GON4L: variants seen among roughly 807,000 people sequenced by gnomAD.
GON4L encodes gon-4 like, also known as GON-4-like protein.
A neutral mutation model predicts 211.8 loss-of-function variants in GON4L; 87 were observed. The observed-to-expected ratio is 0.41, with a 90% CI of 0.35 to 0.49. The LOEUF is 0.49. GON4L is among the 20% of genes least tolerant of loss of function. The pLI, the probability that GON4L is intolerant of heterozygous loss-of-function variation, is 0.15. For synonymous variants in GON4L, 875 were observed against 962.6 expected (o/e 0.91, Z 1.68); for missense variants, 2,155 against 2,659.5 (o/e 0.81, Z 4.17).
chr1:155,769,959 C>T (rs1041486107), intron 19 of GON4L, among the ~76,000 whole-genome samples: 1 of 130,068 alleles, frequency 7.7e-6, no homozygotes, highest in Non-Finnish European at 1.5e-5. Context: ...GAGGCTGAGA[C>T]AGGAGAATGC....
chr1:155,798,107 AATATAAATAT>A (rs199630515), intron 11 of GON4L, among the ~76,000 whole-genome samples: 9,838 of 147,978 alleles, frequency 0.066, 423 homozygotes, highest in African/African-American at 0.12. Flanking sequence ...TTTTTATATA[AATATAAATAT>A]ATATAAATAT....
chr1:155,783,021 G>C (rs1241180042), intron 14 of GON4L, among the ~76,000 whole-genome samples: 1 of 152,112 alleles, frequency 6.6e-6, no homozygotes, highest in Non-Finnish European at 1.5e-5. Flanking sequence ...CACGTTTATA[G>C]ATCAAATCCC....
intron 24 of GON4L, among the ~76,000 whole-genome samples, 166 bp from the exon 25 acceptor site, chr1:155,758,200 A>G (rs1378580518): frequency 6.6e-6 from 1 of 151,494 alleles, no homozygotes; most frequent in African/African-American, 2.4e-5. Context: ...CCTAACCTCC[A>G]TCCACCTTGG....
rs942128506 is a variant in GON4L at position 155,822,194 on chromosome 1, C to T, written c.888+92G>A. 4 of 1,031,536 alleles carry T rather than the reference C, an allele frequency of 3.9e-6. No homozygotes were observed. The African/African-American group carries it at 4.7e-5, about 12-fold the overall frequency. 63.9% of individuals were successfully genotyped at this position (1,031,536 alleles called of 1,614,324 possible). On this transcript the variant is annotated intron_variant, in intron 4 of 31. Coordinates refer to ENST00000368331, the MANE Select transcript of GON4L (RefSeq NM_001282860.2). The stretch of plus-strand genomic sequence containing the variant: ...GGTAACCCACAAAATCGGTAATTCA[C>T]GTATCAAGAGTCAAGAATTTGCTGA...
chr1:155,797,675 C>T (rs951414471), intron 11 of GON4L, among the ~76,000 whole-genome samples: 1 of 149,676 alleles, frequency 6.7e-6, no homozygotes, highest in Non-Finnish European at 1.5e-5. Flanking sequence ...GAGACCCCCC[C>T]CCTCCCGTCT....
chr1:155,828,635 C>T (rs56970932), intron 2 of GON4L, among the ~76,000 whole-genome samples: 3,873 of 148,858 alleles, frequency 0.026, 168 homozygotes, highest in African/African-American at 0.089. Context: ...GGCAAAACCC[C>T]GTCTCTACTA....
At chr1:155,817,160 T>G (rs1215038419) in intron 6 of GON4L, among the ~76,000 whole-genome samples, 1 of 152,068 alleles carries the variant, frequency 6.6e-6, no homozygotes, top group East Asian at 1.9e-4. Context: ...GCCTCACTAA[T>G]TTTTTAAATT....
intron 3 of GON4L, among the ~76,000 whole-genome samples, chr1:155,824,274 T>A (rs1254387782): frequency 2.6e-4 from 37 of 140,598 alleles, no homozygotes; most frequent in African/African-American, 5.5e-4. Context: ...AAAAAAAAAA[T>A]AATACAAAAA....
At chr1:155,824,968 T>G (rs566171372) in intron 3 of GON4L, among the ~76,000 whole-genome samples, 8 of 151,412 alleles carry the variant, frequency 5.3e-5, no homozygotes, top group Non-Finnish European at 1.2e-4. Context: ...GGCAACATAG[T>G]GAAAACCGTC....
rs890684396 is a variant in GON4L, at chr1:155,810,097, G to A, written c.1452+3537C>T. ...TGCAACCTCCGCTTCCTGGGTTAAA[G>A]CGATTTTCGTGCCGCAGCCTCCCGA... On this transcript the variant is annotated intron_variant, in intron 10 of 31. Coordinates refer to ENST00000368331, the MANE Select transcript of GON4L (RefSeq NM_001282860.2). Among the ~76,000 whole-genome samples the A allele has an allele frequency of 3.1e-4, 46 of 149,276 alleles. 1 individual carries two copies. The highest frequency in any genetic ancestry group is 1.0e-3 in the African/African-American group (41 of 40,672).
chr1:155,756,842 T>C (rs1056764035), intron 27 of GON4L, 116 bp downstream of exon 27: 1 of 718,196 alleles, frequency 1.4e-6, no homozygotes, highest in African/African-American at 1.8e-5. Context: ...GGTGGGAGAA[T>C]CGCTTGAATC....
At chr1:155,797,217 C>T (rs375049076) in intron 11 of GON4L, among the ~76,000 whole-genome samples, 2 of 151,924 alleles carry the variant, frequency 1.3e-5, no homozygotes. Flanking sequence ...TGGGTTCAAG[C>T]GATTCTCCTG....
At chr1:155,780,079 G>A (rs2985707) in intron 14 of GON4L, among the ~76,000 whole-genome samples, 80,401 of 151,726 alleles carry the variant, frequency 0.53, 23,344 homozygotes, top group Middle Eastern at 0.69. Flanking sequence ...GATTACAGGC[G>A]TGAGCCACTG....
chr1:155,845,826 C>A, intron 2 of GON4L: 1 of 251,144 alleles, frequency 4.0e-6, no homozygotes, highest in Non-Finnish European at 8.1e-6. Context: ...GCCTTGAAAA[C>A]ATTTGAGCAT....
At chr1:155,762,073 G>T in intron 23 of GON4L, 117 bp downstream of exon 23, 1 of 741,532 alleles carries the variant, frequency 1.3e-6, no homozygotes, top group Non-Finnish European at 2.3e-6. Flanking sequence ...CCAAGATAGA[G>T]GAATATGAAG....
At chr1:155,769,655 T>C (rs1483827469) in intron 19 of GON4L, among the ~76,000 whole-genome samples, 1 of 151,982 alleles carries the variant, frequency 6.6e-6, no homozygotes, top group Non-Finnish European at 1.5e-5. Context: ...CCCCTAAAAA[T>C]GCGATTATTT....
chr1:155,748,180 G>A, downstream of GON4L: 2 of 1,495,924 alleles, frequency 1.3e-6, no homozygotes, highest in East Asian at 2.3e-5. Flanking sequence ...GCCTCCTCAT[G>A]CTCCCAGTCA....
chr1:155,788,032 C>A (rs1665135914), intron 12 of GON4L, among the ~76,000 whole-genome samples: 2 of 152,146 alleles, frequency 1.3e-5, no homozygotes, highest in Admixed American at 1.3e-4. Flanking sequence ...CACTCTGTTG[C>A]CCAGGCTGGA....
chr1:155,809,527 ATATATAATTATAAAT>A (rs1293964369), intron 10 of GON4L, among the ~76,000 whole-genome samples: 60 of 145,458 alleles, frequency 4.1e-4, no homozygotes, highest in African/African-American at 1.1e-3. Context: ...TTATATACTT[ATATATAATTATAAAT>A]TATATACTTA....
Sources: allele counts gnomAD v4.1 joint callset (sites outside exome capture counted in the v4.1 genomes callset), GRCh38; gene constraint gnomAD v4.1.1; transcripts MANE v1.5; gene names NCBI Gene and HGNC (gene_info 2026-07-23, HGNC 2026-07-21).